FOXP1: variants seen among roughly 807,000 people sequenced by gnomAD.
FOXP1 encodes the protein forkhead box protein P1.
In FOXP1, 15 loss-of-function variants were observed where a neutral mutation model predicts 98.2. That is an observed-to-expected ratio of 0.15 (90% confidence interval 0.10 to 0.24). The LOEUF is 0.24. FOXP1 is among the 10% of genes least tolerant of loss of function. The pLI, the probability that FOXP1 is intolerant of heterozygous loss-of-function variation, is 1.00. For synonymous variants in FOXP1, 371 were observed against 314.5 expected (o/e 1.18, Z -1.90); for missense variants, 633 against 848.5 (o/e 0.75, Z 3.15).
intron 2 of FOXP1, among the ~76,000 whole-genome samples, chr3:71,507,968 C>T: frequency 6.6e-6 from 1 of 152,182 alleles, no homozygotes; most frequent in African/African-American, 2.4e-5. Flanking sequence ...ACTGCAAAAT[C>T]CAATGAAGTG....
chr3:71,174,876 C>T (rs2061850094), intron 6 of FOXP1, among the ~76,000 whole-genome samples: 12 of 150,906 alleles, frequency 8.0e-5, no homozygotes, highest in Admixed American at 7.9e-4. Flanking sequence ...ATCAAGGACA[C>T]AGCAGATTGC....
rs1265980012 is a variant in FOXP1 at position 71,232,694 on chromosome 3, T to C, written c.-11-34302A>G. On this transcript the variant is annotated intron_variant, in intron 5 of 20. Transcript: ENST00000649528. ...TGGGAGGATCCCTTGAGTTCAGGAG[T>C]TCGAGACCAGTCTGGGCAACACGGT... 2.7e-5 allele frequency among the ~76,000 whole-genome samples: 4 copies of C among 149,562 alleles called. No homozygotes were observed. The South Asian group carries it at 8.5e-4, about 32-fold the overall frequency.
chr3:70,985,975 G>A (rs555337148), intron 14 of FOXP1, among the ~76,000 whole-genome samples: 143 of 152,274 alleles, frequency 9.4e-4, no homozygotes, highest in African/African-American at 3.3e-3. Context: ...TATTCGTGCC[G>A]ATTTCTTCTA....
rs869086663 is a variant in FOXP1 at position 71,404,120 on chromosome 3, C to CTTTTTTT, written c.-167-44883_-167-44877dup. On this transcript the variant is annotated intron_variant, in intron 3 of 20. Coordinates refer to ENST00000649528, the MANE Select transcript of FOXP1 (RefSeq NM_001349338.3). ...ATTGGGGTTTTTTTCTTTTCTTTTT[C>CTTTTTTT]TTTTTTTTTTTTTTTTTTTTTTTTG... Among the ~76,000 whole-genome samples the CTTTTTTT allele has an allele frequency of 3.1e-3, 192 of 62,690 alleles. 3 individuals are homozygous for CTTTTTTT. Among genetic ancestry groups the CTTTTTTT allele is most frequent in the South Asian group, 9.3e-3 (11 of 1,180 alleles). 41.1% of individuals were successfully genotyped at this position (62,690 alleles called of 152,430 possible).
At chr3:71,297,853 C>T (rs998683918) in intron 5 of FOXP1, among the ~76,000 whole-genome samples, 4 of 151,920 alleles carry the variant, frequency 2.6e-5, no homozygotes, top group East Asian at 1.9e-4. Flanking sequence ...GTGATCCACT[C>T]GCCTCAGCCT....
At chr3:71,116,403 A>G (rs1254406421) in intron 6 of FOXP1, among the ~76,000 whole-genome samples, 1 of 152,230 alleles carries the variant, frequency 6.6e-6, no homozygotes, top group Non-Finnish European at 1.5e-5. Context: ...GACCTACTGA[A>G]CAGAGAACAC....
chr3:71,312,069 G>T (rs779139688), intron 4 of FOXP1, among the ~76,000 whole-genome samples: 1 of 152,180 alleles, frequency 6.6e-6, no homozygotes, highest in African/African-American at 2.4e-5. Flanking sequence ...CCAACTTACA[G>T]GCTGTTATGT....
intron 14 of FOXP1, among the ~76,000 whole-genome samples, chr3:70,981,455 ATGTAT>A (rs2038845958): frequency 1.3e-5 from 2 of 152,220 alleles, no homozygotes; most frequent in Admixed American, 1.3e-4. Context: ...CCAGATAAAA[ATGTAT>A]TGTAAGGACT....
intron 3 of FOXP1, among the ~76,000 whole-genome samples, chr3:71,485,496 C>T (rs909383810): frequency 2.0e-5 from 3 of 152,124 alleles, no homozygotes; most frequent in African/African-American, 2.4e-5. Flanking sequence ...AGGCTGGAAG[C>T]GATGGCTCAC....
At chr3:71,576,570 G>A (rs527976438) in intron 2 of FOXP1, among the ~76,000 whole-genome samples, 4 of 152,078 alleles carry the variant, frequency 2.6e-5, no homozygotes, top group South Asian at 2.1e-4. Context: ...TGTCAGAATC[G>A]AATATAAATT....
At chr3:71,068,473 A>G (rs1449133810) in intron 7 of FOXP1, among the ~76,000 whole-genome samples, 3 of 152,146 alleles carry the variant, frequency 2.0e-5, no homozygotes, top group Non-Finnish European at 2.9e-5. Context: ...AGATACAGCA[A>G]TGGTCCCTGG....
intron 3 of FOXP1, among the ~76,000 whole-genome samples, chr3:71,396,369 A>G (rs185153882): frequency 2.6e-5 from 4 of 152,282 alleles, no homozygotes; most frequent in African/African-American, 9.6e-5. Flanking sequence ...TAGTTTAATC[A>G]ACTCAAGTCT....
In FOXP1 at chr3:71,575,378, A is replaced by G. The variant is rs72628637; in HGVS notation, c.-298+6171T>C. ...TCAGAATTATCAAGGGAAGTTTGTT[A>G]TAAATGTACGTTACCATGTCAATCA... On this transcript the variant is annotated intron_variant, in intron 2 of 20. Transcript: ENST00000649528. 0.012 allele frequency among the ~76,000 whole-genome samples: 1,831 copies of G among 152,308 alleles called. 204 individuals carry two copies. The East Asian group carries it at 0.26, about 22-fold the overall frequency.
At chr3:71,213,080 G>A (rs926575737) in intron 5 of FOXP1, among the ~76,000 whole-genome samples, 2 of 151,904 alleles carry the variant, frequency 1.3e-5, no homozygotes, top group Admixed American at 6.6e-5. Flanking sequence ...CAAAGGCATG[G>A]GCATATAGTT....
chr3:71,554,690 T>C (rs996749810), intron 2 of FOXP1, among the ~76,000 whole-genome samples: 1 of 152,256 alleles, frequency 6.6e-6, no homozygotes, highest in Non-Finnish European at 1.5e-5. Flanking sequence ...TCTTTTTGAA[T>C]GTGTTTTAAA....
At chr3:71,122,242 C>A (rs1259900882) in intron 6 of FOXP1, among the ~76,000 whole-genome samples, 3 of 152,134 alleles carry the variant, frequency 2.0e-5, no homozygotes, top group African/African-American at 7.2e-5. Context: ...CTTTGCTTCA[C>A]AAAGTACCTT....
chr3:71,298,406 A>C (rs2073536933), intron 5 of FOXP1, among the ~76,000 whole-genome samples: 1 of 152,090 alleles, frequency 6.6e-6, no homozygotes, highest in South Asian at 2.1e-4. Flanking sequence ...CAGAGGTTGC[A>C]GTGAGCCGAG....
intron 5 of FOXP1, among the ~76,000 whole-genome samples, chr3:71,296,675 T>C (rs1045941165): frequency 2.0e-5 from 3 of 150,636 alleles, no homozygotes; most frequent in East Asian, 1.9e-4. Flanking sequence ...ATGTATGATA[T>C]ACTTTGGAAA....
intron 10 of FOXP1, among the ~76,000 whole-genome samples, chr3:71,042,498 G>A (rs2048484446): frequency 6.6e-6 from 1 of 152,024 alleles, no homozygotes; most frequent in Non-Finnish European, 1.5e-5. Flanking sequence ...TATTCTAGAT[G>A]ACAACTAACA....
Sources: allele counts gnomAD v4.1 joint callset (sites outside exome capture counted in the v4.1 genomes callset), GRCh38; gene constraint gnomAD v4.1.1; transcripts MANE v1.5; gene names NCBI Gene and HGNC (gene_info 2026-07-23, HGNC 2026-07-21).